ZBTB16: variants seen among roughly 807,000 people sequenced by gnomAD.
ZBTB16 encodes the protein zinc finger and BTB domain containing 16.
A neutral mutation model predicts 56.8 loss-of-function variants in ZBTB16; 8 were observed. The ratio of observed to expected loss-of-function variants is 0.14; its 90% confidence interval spans 0.08 to 0.25. The LOEUF (loss-of-function observed/expected upper bound fraction) is 0.25. ZBTB16 is among the 10% of genes least tolerant of loss of function. The pLI is 1.00. For synonymous variants in ZBTB16, 363 were observed against 368.5 expected (o/e 0.98, Z 0.17); for missense variants, 625 against 903.0 (o/e 0.69, Z 3.95).
chr11:114,191,307 T>G (rs1943488828), intron 4 of ZBTB16, among the ~76,000 whole-genome samples: 1 of 152,210 alleles, frequency 6.6e-6, no homozygotes, highest in African/African-American at 2.4e-5. Context: ...CTCATAAGAT[T>G]ATAATACCGT....
Position 114,063,088 on chromosome 11 carries a change from A to G in ZBTB16, c.-90-123A>G. The G allele has an allele frequency of 1.7e-6, 1 of 598,218 alleles. No homozygotes were observed. The highest frequency in any genetic ancestry group is 3.0e-6 in the Non-Finnish European group (1 of 337,924). The allele number at this position is 598,218 out of a possible 1,614,324, so 37.1% of individuals were successfully genotyped here. A position where few individuals can be genotyped will look rare whatever the true frequency, so the allele number is the denominator to read the frequency against. On this transcript the variant is annotated intron_variant, in intron 1 of 6. Coordinates refer to ENST00000335953, the MANE Select transcript of ZBTB16 (RefSeq NM_006006.6). This position sits in a 1 kb window ranked among gnomAD's most constrained non-coding sequence, Gnocchi z 6.5. ...TAAAATCTCTAAGATCCTCTTGCTA[A>G]GGGCTTGGCAACAGGGAGGAGGGGG...
chr11:114,246,956 C>T (rs1015241804), intron 5 of ZBTB16: 14 of 565,840 alleles, frequency 2.5e-5, no homozygotes, highest in Middle Eastern at 9.4e-4. Flanking sequence ...CAAATGGGCT[C>T]TCTTTCCCAG....
In ZBTB16 at chr11:114,060,748, A is replaced by C. The variant is rs1447022053; in HGVS notation, c.-91+866A>C. On this transcript the variant is annotated intron_variant, in intron 1 of 6. Coordinates refer to ENST00000335953, the MANE Select transcript of ZBTB16 (RefSeq NM_006006.6). This position sits in a 1 kb window ranked among gnomAD's most constrained non-coding sequence, Gnocchi z 6.0. ...CGGACGCACGGAGCGCTCCGCACCG[A>C]CTCGCTCGCCGCCTCCCCGAGACGC... Among the ~76,000 whole-genome samples the C allele has an allele frequency of 6.6e-6, 1 of 150,388 alleles. No homozygotes were observed. The highest frequency in any genetic ancestry group is 2.5e-5 in the African/African-American group (1 of 40,770).
chr11:114,145,560 A>G (rs1942076955), intron 2 of ZBTB16, among the ~76,000 whole-genome samples: 2 of 152,248 alleles, frequency 1.3e-5, no homozygotes, highest in African/African-American at 2.4e-5. Flanking sequence ...ATTGTATGAT[A>G]CCATTTATAT....
chr11:114,247,112 C>T, intron 5 of ZBTB16, 86 bp from the exon 6 acceptor site: 1 of 1,590,954 alleles, frequency 6.3e-7, no homozygotes, highest in Non-Finnish European at 8.6e-7. Context: ...CCGTCGCATC[C>T]TTCTCATGCA....
chr11:114,099,418 G>A (rs558521605), intron 2 of ZBTB16, among the ~76,000 whole-genome samples: 2 of 151,944 alleles, frequency 1.3e-5, no homozygotes, highest in Admixed American at 1.3e-4. Flanking sequence ...TAATAAGGAA[G>A]TGTAGGTATT....
intron 2 of ZBTB16, among the ~76,000 whole-genome samples, chr11:114,119,467 C>A (rs1363357329): frequency 6.6e-6 from 1 of 151,918 alleles, no homozygotes; most frequent in Non-Finnish European, 1.5e-5. Context: ...CCACCAGGAG[C>A]TCTCTAATGC....
chr11:114,170,856 G>A (rs1380434116), intron 3 of ZBTB16, among the ~76,000 whole-genome samples: 2 of 152,188 alleles, frequency 1.3e-5, no homozygotes, highest in Non-Finnish European at 2.9e-5. Flanking sequence ...CTTTGGATTT[G>A]CTGGAGTCTT....
intron 2 of ZBTB16, among the ~76,000 whole-genome samples, chr11:114,072,368 G>A (rs1054657128): frequency 1.3e-5 from 2 of 152,200 alleles, no homozygotes; most frequent in African/African-American, 2.4e-5. Context: ...GCCGGGCAGC[G>A]CTCCACTGCC....
chr11:114,205,765 T>A lies in ZBTB16; in HGVS notation c.1453+18727T>A, dbSNP rs150233769. Among the ~76,000 whole-genome samples, 764 of 152,324 alleles carry A rather than the reference T, an allele frequency of 5.0e-3. 5 individuals are homozygous for A. Among genetic ancestry groups the A allele is most frequent in the African/African-American group, 0.017 (713 of 41,582 alleles). On this transcript the variant is annotated intron_variant, in intron 4 of 6. Transcript: ENST00000335953. ...TCAAGTATTAAGTATGTTTTAAAGG[T>A]AATTATCTTTTCCATATTCATTTTA...
intron 4 of ZBTB16, among the ~76,000 whole-genome samples, chr11:114,205,581 C>G (rs1401455728): frequency 6.6e-6 from 1 of 152,122 alleles, no homozygotes; most frequent in Non-Finnish European, 1.5e-5. Context: ...ACGCACGTTC[C>G]CCTCAACCAA....
intron 2 of ZBTB16, among the ~76,000 whole-genome samples, chr11:114,140,447 C>T (rs1014564933): frequency 6.6e-6 from 1 of 152,208 alleles, no homozygotes; most frequent in African/African-American, 2.4e-5. Context: ...CAAATAAATA[C>T]CTATCAATCA....
chr11:114,146,430 T>C (rs952941550), intron 2 of ZBTB16, among the ~76,000 whole-genome samples: 1 of 152,086 alleles, frequency 6.6e-6, no homozygotes, highest in Non-Finnish European at 1.5e-5. Flanking sequence ...TGGCCTCACT[T>C]TCTCCATCCA....
At chr11:114,061,203 T>C (rs1003259393) in intron 1 of ZBTB16, among the ~76,000 whole-genome samples, 1 of 151,960 alleles carries the variant, frequency 6.6e-6, no homozygotes, top group Non-Finnish European at 1.5e-5. Flanking sequence ...TATCGCCGGC[T>C]CTTCCCCGCG....
At chr11:114,142,935 A>AT (rs1226794115) in intron 2 of ZBTB16, among the ~76,000 whole-genome samples, 1 of 152,172 alleles carries the variant, frequency 6.6e-6, no homozygotes, top group African/African-American at 2.4e-5. Flanking sequence ...AGTAAAGGAC[A>AT]TTTTTATGTG....
chr11:114,215,582 C>T (rs1022322806), intron 4 of ZBTB16, among the ~76,000 whole-genome samples: 1 of 152,194 alleles, frequency 6.6e-6, no homozygotes, highest in African/African-American at 2.4e-5. Context: ...CTTTACCCTA[C>T]AACGAGAGGT....
At chr11:114,176,799 G>A (rs1393206243) in intron 3 of ZBTB16, among the ~76,000 whole-genome samples, 1 of 152,184 alleles carries the variant, frequency 6.6e-6, no homozygotes, top group Admixed American at 6.5e-5. Flanking sequence ...AGTCAGGACC[G>A]CAAGTCAGTT....
chr11:114,244,943 C>CTTTA (rs1201879066), intron 5 of ZBTB16, among the ~76,000 whole-genome samples: 2 of 151,950 alleles, frequency 1.3e-5, no homozygotes, highest in Non-Finnish European at 2.9e-5. Context: ...GTGGCCTTGG[C>CTTTA]TTTATTTATT....
At chr11:114,171,344 C>T (rs761465425) in intron 3 of ZBTB16, among the ~76,000 whole-genome samples, 9 of 152,214 alleles carry the variant, frequency 5.9e-5, no homozygotes, top group East Asian at 3.9e-4. Flanking sequence ...CCTAGACATA[C>T]AGTCCTCCCA....
Sources: gnomAD v4.1 joint callset for allele counts (sites outside exome capture counted in the v4.1 genomes callset) on GRCh38, gnomAD v4.1.1 for gene constraint, Gnocchi (gnomAD v3.1) non-coding constraint, MANE v1.5 for transcripts, NCBI Gene and HGNC (gene_info 2026-07-23, HGNC 2026-07-21) for gene names.